The following ARPP21 variants were observed in gnomAD, a reference collection of about 807,000 sequenced individuals.
ARPP21 encodes the protein cAMP-regulated phosphoprotein 21.
ARPP21 carries 69 observed loss-of-function variants against 113.2 expected under a neutral mutation model. The ratio of observed to expected loss-of-function variants is 0.61; its 90% CI spans 0.50 to 0.74. ARPP21 has a LOEUF of 0.74. Among genes scored for constraint, ARPP21 ranks in the 30% least tolerant of loss-of-function variants. The pLI is 0.00. For missense variants in ARPP21, 1,070 were observed against 1,037.4 expected, an observed-to-expected ratio of 1.03 and a Z score of -0.43; for synonymous variants, 368 against 375.5, an observed-to-expected ratio of 0.98 and a Z score of 0.23.
chr3:35,705,602 G>A (rs2088592161), intron 9 of ARPP21, among the ~76,000 whole-genome samples: 1 of 152,156 alleles, frequency 6.6e-6, no homozygotes, highest in Non-Finnish European at 1.5e-5. Flanking sequence ...TCTCTGAAAG[G>A]ATGTGACCAG....
intron 11 of ARPP21, 83 bp downstream of exon 11, chr3:35,709,153 C>A: frequency 3.2e-6 from 3 of 937,918 alleles, no homozygotes; most frequent in South Asian, 1.5e-5. Flanking sequence ...AGCGAGGTGG[C>A]AGGGAATAAA....
chr3:35,670,409 A>T (rs1022837419), intron 1 of ARPP21, among the ~76,000 whole-genome samples: 3 of 152,126 alleles, frequency 2.0e-5, no homozygotes, highest in African/African-American at 7.2e-5. Context: ...AGATAAAGTC[A>T]GTCTTACAGC....
intron 8 of ARPP21, among the ~76,000 whole-genome samples, chr3:35,690,626 A>G (rs1404261316): frequency 6.6e-6 from 1 of 151,592 alleles, no homozygotes; most frequent in African/African-American, 2.4e-5. Flanking sequence ...CAGACATTAC[A>G]TTCTCTTTGG....
intron 1 of ARPP21, among the ~76,000 whole-genome samples, chr3:35,661,838 C>T (rs957143912): frequency 6.6e-6 from 1 of 152,020 alleles, no homozygotes; most frequent in Admixed American, 6.6e-5. Flanking sequence ...CAGTGACATA[C>T]CTGTTTCTGG....
chr3:35,725,900 A>G lies in ARPP21; in HGVS notation c.1226-3403A>G, dbSNP rs547413300. Among the ~76,000 whole-genome samples the G allele has an allele frequency of 1.4e-4, 22 of 152,276 alleles. No individual in the cohort carries two copies. In the South Asian group the frequency reaches 3.7e-3, roughly 26 times the overall value. On this transcript the variant is annotated intron_variant, in intron 14 of 20. Coordinates refer to ENST00000684406, the MANE Select transcript of ARPP21 (RefSeq NM_001385562.1). Reference sequence around the variant, plus strand: ...CCTAGAACTTGGCACAGGCTTGGTCAGGGCCCTGGCCCCCGTCTGTGCCTT... The same window carrying G: ...CCTAGAACTTGGCACAGGCTTGGTCGGGGCCCTGGCCCCCGTCTGTGCCTT...
intron 19 of ARPP21, among the ~76,000 whole-genome samples, chr3:35,748,456 GA>G (rs1407847786): frequency 1.5e-5 from 2 of 137,458 alleles, no homozygotes; most frequent in African/African-American, 5.5e-5. Context: ...AGAAAAGAAA[GA>G]AAAAGAAAGA....
intron 1 of ARPP21, among the ~76,000 whole-genome samples, chr3:35,649,213 T>C (rs1701438025): frequency 6.6e-6 from 1 of 152,220 alleles, no homozygotes; most frequent in Admixed American, 6.5e-5. Flanking sequence ...ATTTTTTCCC[T>C]GAAGTTTCAG....
chr3:35,721,099 A>T (rs1023170995), intron 13 of ARPP21, among the ~76,000 whole-genome samples: 1 of 152,236 alleles, frequency 6.6e-6, no homozygotes, highest in Non-Finnish European at 1.5e-5. Flanking sequence ...TGTGTATCTC[A>T]TAAAGCTGGA....
chr3:35,671,337 T>C (rs2076293494), intron 1 of ARPP21, among the ~76,000 whole-genome samples: 1 of 152,182 alleles, frequency 6.6e-6, no homozygotes, highest in Non-Finnish European at 1.5e-5. Context: ...CCAAAATAAA[T>C]GCCAATGTCA....
intron 18 of ARPP21, among the ~76,000 whole-genome samples, 181 bp from the exon 19 acceptor site, chr3:35,743,658 G>C (rs6786127): frequency 0.015 from 2,219 of 152,300 alleles, 51 homozygotes; most frequent in African/African-American, 0.05. Context: ...ATTTAAGTTT[G>C]GGAAATGGAT....
chr3:35,696,073 A>G (rs2083892806), intron 9 of ARPP21, among the ~76,000 whole-genome samples: 1 of 151,478 alleles, frequency 6.6e-6, no homozygotes, highest in Non-Finnish European at 1.5e-5. Context: ...GATTGAATAG[A>G]ATCTTGAAGG....
intron 12 of ARPP21, among the ~76,000 whole-genome samples, chr3:35,716,204 A>C (rs2150185063): frequency 6.6e-6 from 1 of 152,236 alleles, no homozygotes; most frequent in South Asian, 2.1e-4. Context: ...CAAATTAAGG[A>C]ATCCAAATTA....
intron 1 of ARPP21, among the ~76,000 whole-genome samples, chr3:35,661,189 CT>C (rs1381789114): frequency 6.6e-6 from 1 of 152,126 alleles, no homozygotes; most frequent in African/African-American, 2.4e-5. Flanking sequence ...GAGTGCTTTA[CT>C]TTGACCAATT....
chr3:35,691,739 C>T (rs887139603), intron 9 of ARPP21, among the ~76,000 whole-genome samples: 1 of 151,478 alleles, frequency 6.6e-6, no homozygotes, highest in Non-Finnish European at 1.5e-5. Flanking sequence ...TTTCTTGAAC[C>T]TATATATCTT....
chr3:35,769,227 G>C (rs1166572143), intron 19 of ARPP21, among the ~76,000 whole-genome samples: 1 of 152,096 alleles, frequency 6.6e-6, no homozygotes, highest in Non-Finnish European at 1.5e-5. Flanking sequence ...GATTATTCCA[G>C]GAGAAAAATT....
intron 1 of ARPP21, among the ~76,000 whole-genome samples, chr3:35,674,666 CTT>C (rs2149365962): frequency 6.6e-6 from 1 of 151,886 alleles, no homozygotes; most frequent in Non-Finnish European, 1.5e-5. Context: ...TCTCAGACAA[CTT>C]TATGGCATTC....
At chr3:35,688,920 G>C (rs2081426102) in intron 6 of ARPP21, among the ~76,000 whole-genome samples, 2 of 151,006 alleles carry the variant, frequency 1.3e-5, no homozygotes, top group South Asian at 4.2e-4. Flanking sequence ...GAGAAAAAGG[G>C]TTCCATGGGA....
Position 35,690,098 on chromosome 3 carries a change from T to C in ARPP21, c.503T>C (p.Leu168Ser). ...TTTTGCAGGGACAGGATGATACTTT[T>C]GAAAATGGAGCAGGAAATTATTGAT... ...KNNSRDRMILLKMEQEIIDFI... is the reference protein window; with the variant it reads ...KNNSRDRMILSKMEQEIIDFI... Residue 168 changes from leucine to serine, a missense_variant, in exon 8 of 21, where the codon TTG becomes TCG. Coordinates refer to ENST00000684406, the MANE Select transcript of ARPP21 (RefSeq NM_001385562.1). The C allele has an allele frequency of 1.4e-6, 2 of 1,479,142 alleles. No individual in the cohort carries two copies. The highest frequency in any genetic ancestry group is 1.9e-6 in the Non-Finnish European group (2 of 1,058,368). 91.6% of individuals were successfully genotyped at this position (1,479,142 alleles called of 1,614,324 possible). A position where few individuals can be genotyped will look rare whatever the true frequency, so the allele number is the denominator to read the frequency against.
intron 15 of ARPP21, among the ~76,000 whole-genome samples, chr3:35,732,859 T>C (rs777535157): frequency 6.6e-6 from 1 of 152,218 alleles, no homozygotes; most frequent in Non-Finnish European, 1.5e-5. Context: ...TTCTAGCATC[T>C]ATTAATCCAA....
Sources: allele counts gnomAD v4.1 joint callset (sites outside exome capture counted in the v4.1 genomes callset), GRCh38; gene constraint gnomAD v4.1.1; transcripts MANE v1.5; gene names NCBI Gene and HGNC (gene_info 2026-07-23, HGNC 2026-07-21).